Variants in CCDC171 observed in about 807,000 individuals in gnomAD.
The protein encoded by CCDC171 is coiled-coil domain containing 171, also known as coiled-coil domain-containing protein 171.
CCDC171 carries 177 observed loss-of-function variants against 168.2 expected under a neutral mutation model. That is an observed-to-expected ratio of 1.05 (90% CI 0.93 to 1.19). The LOEUF is 1.19. Among genes scored for constraint, CCDC171 ranks in the 50% most tolerant of loss-of-function variants. The pLI, the probability that CCDC171 is intolerant of heterozygous loss-of-function variation, is 0.00. For missense variants in CCDC171, 1,991 were observed against 1,539.0 expected (o/e 1.29, Z -4.91); for synonymous variants, 687 against 540.8 (o/e 1.27, Z -3.75).
At chr9:15,865,427 A>G (rs1243494771) in intron 23 of CCDC171, among the ~76,000 whole-genome samples, 1 of 151,206 alleles carries the variant, frequency 6.6e-6, no homozygotes, top group Non-Finnish European at 1.5e-5. Context: ...ACCCTTGAAC[A>G]CATGGGTTCG....
At chr9:15,948,820 A>C (rs1333213242) in intron 25 of CCDC171, among the ~76,000 whole-genome samples, 2 of 151,186 alleles carry the variant, frequency 1.3e-5, no homozygotes, top group Non-Finnish European at 3.0e-5. Context: ...GAAGCTCTTT[A>C]GTTTAATTAG....
rs1163578540 is a variant in CCDC171, at chr9:15,744,693, C to T, written c.2470C>T (p.Leu824Phe). 1.2e-6 allele frequency: 2 copies of T among 1,614,118 alleles called. No homozygotes were observed. The highest frequency in any genetic ancestry group is 4.5e-5 in the East Asian group (2 of 44,880). Residue 824 changes from leucine to phenylalanine, a missense_variant, in exon 17 of 26, where the codon CTT (leucine) becomes TTT (phenylalanine). Leu to Phe is a conservative substitution (Grantham distance 22, BLOSUM62 0). Transcript: ENST00000380701. The stretch of plus-strand genomic sequence containing the variant: ...GATTTTGGGCCAATCATGTGCCTCT[C>T]TTTTTACCTGGATGGAGAGTTTCAA... The part of the protein sequence containing the change: ...LKILGQSCAS[L>F]FTWMESFKEG...
chr9:15,616,467 C>G (rs1036506435), intron 6 of CCDC171, among the ~76,000 whole-genome samples: 30 of 151,856 alleles, frequency 2.0e-4, no homozygotes, highest in African/African-American at 5.3e-4. Flanking sequence ...ATATAAAATA[C>G]TATATAAAAT....
chr9:16,025,860 A>G (rs1464496557), intron 6 of CCDC171, among the ~76,000 whole-genome samples: 5 of 152,332 alleles, frequency 3.3e-5, no homozygotes, highest in Non-Finnish European at 7.3e-5. Flanking sequence ...TTCTGGAACT[A>G]GATAATAACA....
intron 25 of CCDC171, among the ~76,000 whole-genome samples, chr9:15,945,175 C>T (rs28634280): frequency 4.2e-4 from 62 of 149,132 alleles, no homozygotes; most frequent in Admixed American, 2.2e-3. Context: ...TGATGATTTC[C>T]AATTTCATCC....
intron 7 of CCDC171, among the ~76,000 whole-genome samples, chr9:15,624,862 G>C (rs988376648): frequency 5.3e-5 from 8 of 152,154 alleles, no homozygotes; most frequent in South Asian, 2.1e-4. Flanking sequence ...GGTATTTCTA[G>C]TTCTAGATCC....
At chr9:15,870,493 A>G (rs866844271) in intron 23 of CCDC171, among the ~76,000 whole-genome samples, 1 of 151,958 alleles carries the variant, frequency 6.6e-6, no homozygotes, top group African/African-American at 2.4e-5. Context: ...AAAGTATGAC[A>G]TGAAGCCCTA....
chr9:15,792,640 C>T (rs564660077), intron 21 of CCDC171, among the ~76,000 whole-genome samples: 117 of 152,244 alleles, frequency 7.7e-4, no homozygotes, highest in African/African-American at 2.6e-3. Context: ...AGAAACTCTA[C>T]AAGCCAGAAG....
At chr9:15,746,143 T>C (rs1291265339) in intron 18 of CCDC171, among the ~76,000 whole-genome samples, 3 of 152,216 alleles carry the variant, frequency 2.0e-5, no homozygotes. Context: ...TACAAAAGTT[T>C]AAAATGCAAG....
chr9:15,702,778 T>A (rs967617127), intron 11 of CCDC171, among the ~76,000 whole-genome samples: 29 of 152,232 alleles, frequency 1.9e-4, no homozygotes, highest in African/African-American at 6.5e-4. Flanking sequence ...CTTACACTTT[T>A]GTGTTATGCA....
intron 8 of CCDC171, among the ~76,000 whole-genome samples, chr9:15,662,478 G>C (rs2048390562): frequency 6.6e-6 from 1 of 152,042 alleles, no homozygotes; most frequent in Non-Finnish European, 1.5e-5. Flanking sequence ...GCCTCACACA[G>C]AGTTCCGTAA....
intron 21 of CCDC171, among the ~76,000 whole-genome samples, chr9:15,785,453 T>C (rs980995147): frequency 3.3e-5 from 5 of 152,128 alleles, no homozygotes; most frequent in East Asian, 1.9e-4. Context: ...TATTCTGATA[T>C]CTTAATAATA....
intron 3 of CCDC171, among the ~76,000 whole-genome samples, chr9:15,990,216 T>G (rs1832141438): frequency 6.6e-6 from 1 of 152,148 alleles, no homozygotes; most frequent in Non-Finnish European, 1.5e-5. Flanking sequence ...CCCATCAGAC[T>G]GACAGCAGAT....
chr9:15,601,523 C>T (rs537633353), intron 6 of CCDC171, among the ~76,000 whole-genome samples: 8 of 152,250 alleles, frequency 5.3e-5, no homozygotes, highest in Admixed American at 2.6e-4. Context: ...TTCATTTACT[C>T]GTTCATTCAT....
chr9:15,790,462 ATTTG>A (rs1209558681), intron 21 of CCDC171, among the ~76,000 whole-genome samples: 7 of 152,002 alleles, frequency 4.6e-5, no homozygotes, highest in Non-Finnish European at 1.5e-5. Context: ...TTTCTTGTAA[ATTTG>A]TTTGAGTTCT....
At chr9:15,629,370 C>T (rs895764547) in intron 7 of CCDC171, among the ~76,000 whole-genome samples, 17 of 151,920 alleles carry the variant, frequency 1.1e-4, no homozygotes, top group African/African-American at 2.2e-4. Flanking sequence ...TCGAGAACTA[C>T]GTGAAGAATG....
At chr9:15,988,818 G>A (rs1383938802) in intron 3 of CCDC171, among the ~76,000 whole-genome samples, 2 of 152,176 alleles carry the variant, frequency 1.3e-5, no homozygotes, top group African/African-American at 2.4e-5. Context: ...AGCCCATGGA[G>A]CCTCACCCAT....
At chr9:15,678,033 C>T (rs1235905609) in intron 9 of CCDC171, among the ~76,000 whole-genome samples, 1 of 149,258 alleles carries the variant, frequency 6.7e-6, no homozygotes, top group African/African-American at 2.5e-5. Flanking sequence ...CCTCAGCCTC[C>T]TGAGTATCTG....
intron 14 of CCDC171, among the ~76,000 whole-genome samples, chr9:15,726,158 C>T (rs2085774979): frequency 6.6e-6 from 1 of 151,912 alleles, no homozygotes; most frequent in Non-Finnish European, 1.5e-5. Context: ...AAATTGTGTC[C>T]ACATGAAGGG....
Sources: gnomAD v4.1 joint callset for allele counts (sites outside exome capture counted in the v4.1 genomes callset) on GRCh38, gnomAD v4.1.1 for gene constraint, MANE v1.5 for transcripts, NCBI Gene and HGNC (gene_info 2026-07-23, HGNC 2026-07-21) for gene names.